TMEM131L: variants seen among roughly 807,000 people sequenced by gnomAD.
The protein encoded by TMEM131L is transmembrane 131 like.
TMEM131L carries 54 observed loss-of-function variants against 192.2 expected under a neutral mutation model. The ratio of observed to expected loss-of-function variants is 0.28; its 90% CI spans 0.23 to 0.35. The LOEUF is 0.35. TMEM131L is among the 10% of genes least tolerant of loss of function. The pLI is 1.00. For synonymous variants in TMEM131L, 701 were observed against 704.9 expected (o/e 0.99, Z 0.09); for missense variants, 1,888 against 1,972.9 (o/e 0.96, Z 0.82).
In TMEM131L at chr4:153,538,972, A is replaced by G. The variant is rs183039136; in HGVS notation, c.240-11101A>G. Among the ~76,000 whole-genome samples, 310 of 152,320 alleles carry G rather than the reference A, an allele frequency of 2.0e-3. 3 individuals are homozygous for G. Among genetic ancestry groups the G allele is most frequent in the African/African-American group, 7.1e-3 (294 of 41,572 alleles). ...GGAACTTAGTCCCGTGGCCGTACCC[A>G]GATGCAGAGAAGCCTTGGAAATATG... On this transcript the variant is annotated intron_variant, in intron 3 of 34. Transcript: ENST00000409959.
chr4:153,505,710 C>A (rs1733940336), intron 3 of TMEM131L, among the ~76,000 whole-genome samples: 1 of 152,110 alleles, frequency 6.6e-6, no homozygotes, highest in African/African-American at 2.4e-5. Flanking sequence ...AATTTTATTT[C>A]CCAGCTAAAA....
rs144965083 is a variant in TMEM131L, at chr4:153,623,040, G to A, written c.4002G>A (p.Gly1334=). Residue 1334 remains glycine, a synonymous_variant, in exon 29 of 35, where the codon GGG becomes GGA. Coordinates refer to ENST00000409959, the MANE Select transcript of TMEM131L (RefSeq NM_001131007.2). ...GSWSSTSSSD[G]DKKPMVDAQH... ...GGAGCAGCACCAGCAGCTCCGACGG[G>A]GATAAGAAGCCCATGGTGGACGCCC... is the stretch of plus-strand genomic sequence containing the variant. The A allele has an allele frequency of 5.0e-4, 808 of 1,613,324 alleles. No homozygotes were observed. Among genetic ancestry groups the A allele is most frequent in the Non-Finnish European group, 6.4e-4 (760 of 1,179,772 alleles).
At chr4:153,498,237 T>G (rs1182793594) in intron 3 of TMEM131L, among the ~76,000 whole-genome samples, 1 of 152,200 alleles carries the variant, frequency 6.6e-6, no homozygotes, top group South Asian at 2.1e-4. Flanking sequence ...CATGGTGCCC[T>G]TGATCTGCTC....
intron 3 of TMEM131L, among the ~76,000 whole-genome samples, chr4:153,538,302 C>T (rs536614660): frequency 5.9e-5 from 9 of 152,288 alleles, no homozygotes; most frequent in African/African-American, 2.2e-4. Context: ...CCTGAAGCAT[C>T]TCATGGAGGT....
At chr4:153,509,692 G>A (rs1191297693) in intron 3 of TMEM131L, among the ~76,000 whole-genome samples, 1 of 152,172 alleles carries the variant, frequency 6.6e-6, no homozygotes, top group Non-Finnish European at 1.5e-5. Flanking sequence ...ACTCCAGCCT[G>A]GGCGACAGAG....
At chr4:153,541,434 A>G (rs1259804582) in intron 3 of TMEM131L, among the ~76,000 whole-genome samples, 2 of 152,252 alleles carry the variant, frequency 1.3e-5, no homozygotes, top group Non-Finnish European at 2.9e-5. Flanking sequence ...CACAAGAGTC[A>G]GGGTATCAAC....
At chr4:153,581,285 C>T in intron 8 of TMEM131L, 122 bp from the exon 9 acceptor site, 1 of 712,970 alleles carries the variant, frequency 1.4e-6, no homozygotes, top group Non-Finnish European at 2.2e-6. Flanking sequence ...AAACACAAAA[C>T]AGCATATTCT....
intron 25 of TMEM131L, among the ~76,000 whole-genome samples, chr4:153,608,201 C>T (rs1236371533): frequency 1.3e-5 from 2 of 152,152 alleles, no homozygotes; most frequent in South Asian, 2.1e-4. Flanking sequence ...TCGGAGAGGC[C>T]TGTAGTAAAT....
At chr4:153,468,489 A>T (rs1310669493) in intron 2 of TMEM131L, among the ~76,000 whole-genome samples, 1 of 152,224 alleles carries the variant, frequency 6.6e-6, no homozygotes, top group Non-Finnish European at 1.5e-5. Context: ...GGTTTGGAAG[A>T]TACAGAAATA....
chr4:153,557,797 C>T (rs985833564), intron 6 of TMEM131L, among the ~76,000 whole-genome samples: 2 of 152,114 alleles, frequency 1.3e-5, no homozygotes, highest in African/African-American at 2.4e-5. Flanking sequence ...TAATCTGTTT[C>T]ATTTTTTATT....
chr4:153,598,089 C>T (rs915996233), intron 20 of TMEM131L, among the ~76,000 whole-genome samples: 6 of 152,110 alleles, frequency 3.9e-5, no homozygotes, highest in Non-Finnish European at 8.8e-5. Context: ...ATCTTCACTT[C>T]AAAAGAAACA....
intron 3 of TMEM131L, among the ~76,000 whole-genome samples, chr4:153,528,996 T>C (rs1580144247): frequency 6.6e-6 from 1 of 152,198 alleles, no homozygotes; most frequent in East Asian, 1.9e-4. Context: ...AGAGGTGGGA[T>C]CCAGTGAGCT....
At chr4:153,482,163 G>C (rs1731992463) in intron 3 of TMEM131L, among the ~76,000 whole-genome samples, 1 of 152,058 alleles carries the variant, frequency 6.6e-6, no homozygotes, top group South Asian at 2.1e-4. Context: ...TTTTTATACT[G>C]AGTTTCTGTA....
intron 3 of TMEM131L, among the ~76,000 whole-genome samples, chr4:153,502,318 A>G (rs542869121): frequency 6.6e-6 from 1 of 152,326 alleles, no homozygotes; most frequent in South Asian, 2.1e-4. Flanking sequence ...TAGACTGGGA[A>G]GAGGAGTCTT....
At chr4:153,571,786 C>T (rs1729603039) in intron 7 of TMEM131L, among the ~76,000 whole-genome samples, 1 of 152,044 alleles carries the variant, frequency 6.6e-6, no homozygotes, top group Non-Finnish European at 1.5e-5. Context: ...GTTTCAAACT[C>T]CTGAGCTCAA....
chr4:153,627,907 C>T (rs909497238), intron 31 of TMEM131L, among the ~76,000 whole-genome samples: 16 of 152,156 alleles, frequency 1.1e-4, no homozygotes, highest in African/African-American at 3.6e-4. Flanking sequence ...TAGTGAGCCC[C>T]CTCCCTACAG....
chr4:153,627,533 G>C, intron 30 of TMEM131L, 72 bp from the exon 31 acceptor site: 2 of 1,139,698 alleles, frequency 1.8e-6, no homozygotes. Context: ...TCAATCAGAC[G>C]TGGTTATACA....
intron 3 of TMEM131L, among the ~76,000 whole-genome samples, chr4:153,483,873 T>G (rs1323512622): frequency 2.6e-5 from 4 of 152,168 alleles, no homozygotes; most frequent in Non-Finnish European, 5.9e-5. Context: ...CAGTGGACAT[T>G]GTGCTTCAGA....
chr4:153,515,219 C>T (rs1469319411), intron 3 of TMEM131L, among the ~76,000 whole-genome samples: 1 of 152,192 alleles, frequency 6.6e-6, no homozygotes, highest in Non-Finnish European at 1.5e-5. Context: ...TATTAGAAAA[C>T]ACCACTCCCA....
Sources: gnomAD v4.1 joint callset for allele counts (sites outside exome capture counted in the v4.1 genomes callset) on GRCh38, gnomAD v4.1.1 for gene constraint, MANE v1.5 for transcripts, NCBI Gene and HGNC (gene_info 2026-07-23, HGNC 2026-07-21) for gene names.